ABCA8: variants seen among roughly 807,000 people sequenced by gnomAD.
ABCA8 encodes the protein ABC-type organic anion transporter ABCA8.
In ABCA8, 177 loss-of-function variants were observed where a neutral mutation model predicts 192.3. The observed-to-expected ratio is 0.92, with a 90% confidence interval of 0.81 to 1.04. The LOEUF is 1.04. Ranked by LOEUF, ABCA8 falls within the 50% of genes least tolerant of loss-of-function variation. ABCA8 has a pLI of 0.00. For synonymous variants in ABCA8, 642 were observed against 690.2 expected (o/e 0.93, Z 1.09); for missense variants, 1,915 against 1,904.8 (o/e 1.01, Z -0.10).
chr17:68,898,376 G>C (rs1479346340), intron 21 of ABCA8, among the ~76,000 whole-genome samples: 1 of 151,832 alleles, frequency 6.6e-6, no homozygotes, highest in Non-Finnish European at 1.5e-5. Context: ...AAATAATAAA[G>C]AATAAAAAAT....
At chr17:68,922,120 TA>T (rs2067547946) in intron 12 of ABCA8, 121 bp downstream of exon 12, 7 of 676,442 alleles carry the variant, frequency 1.0e-5, no homozygotes, top group Non-Finnish European at 1.5e-5. Flanking sequence ...CACCACTAAT[TA>T]ATCACCGAAA....
chr17:68,953,187 C>T (rs2068616890), intron 1 of ABCA8, among the ~76,000 whole-genome samples: 1 of 152,150 alleles, frequency 6.6e-6, no homozygotes, highest in Admixed American at 6.5e-5. Flanking sequence ...CATCAGTTTT[C>T]TGGGAAGCAT....
rs560482812 is a variant in ABCA8 at position 68,949,475 on chromosome 17, G to A, written c.-166-3C>T. The stretch of plus-strand genomic sequence containing the variant: ...CAACATCATCCTGCTACCAAAACCT[G>A]GCAGAGACACAACAAAAAAGGAAAA... On this transcript the variant is annotated splice_polypyrimidine_tract_variant and splice_region_variant and intron_variant, in intron 1 of 39. Coordinates refer to ENST00000586539, the MANE Select transcript of ABCA8 (RefSeq NM_001288985.2). 1 of 152,166 alleles carries A rather than the reference G, an allele frequency of 6.6e-6. No individual in the cohort carries two copies. The highest frequency in any genetic ancestry group is 6.5e-5 in the Admixed American group (1 of 15,282). The allele number at this position is 152,166 out of a possible 1,614,324, so 9.4% of individuals were successfully genotyped here.
intron 1 of ABCA8, among the ~76,000 whole-genome samples, chr17:68,953,696 G>A (rs2068634340): frequency 6.6e-6 from 1 of 152,104 alleles, no homozygotes; most frequent in Admixed American, 6.5e-5. Flanking sequence ...ATACTTTTAA[G>A]AGAGCTGTGC....
At chr17:68,938,398 G>A (rs969164917) in intron 4 of ABCA8, among the ~76,000 whole-genome samples, 2 of 152,044 alleles carry the variant, frequency 1.3e-5, no homozygotes, top group Non-Finnish European at 2.9e-5. Context: ...AATTACTTAA[G>A]CTTGAGTGGA....
At chr17:68,889,698 C>T (rs1388661811) in intron 24 of ABCA8, among the ~76,000 whole-genome samples, 2 of 152,210 alleles carry the variant, frequency 1.3e-5, no homozygotes, top group Admixed American at 6.5e-5. Context: ...ATAGCCTTTA[C>T]CACTGGTTAC....
chr17:68,887,925 T>TATATATGGATATATATATTA, intron 24 of ABCA8, among the ~76,000 whole-genome samples: 11 of 101,018 alleles, frequency 1.1e-4, no homozygotes, highest in African/African-American at 3.6e-4. Flanking sequence ...TATATATATA[T>TATATATGGATATATATATTA]TATATATGGA....
intron 31 of ABCA8, among the ~76,000 whole-genome samples, chr17:68,881,555 C>T (rs2066336607): frequency 6.6e-6 from 1 of 152,230 alleles, no homozygotes; most frequent in South Asian, 2.1e-4. Flanking sequence ...TGTGCTAGCA[C>T]ATCTTGGTTC....
Position 68,904,291 on chromosome 17 carries a change from AAATAATAATAATAATAATAAT to A in ABCA8, c.2399-813_2399-793del, listed in dbSNP as rs71144635. ...AGCGAGACTCCATCTCAAAAAAAAGAAATAATAATAATAATAATAATAATAATAATAATAATAATAATAATA... is the reference window on the plus strand; with the variant it reads ...AGCGAGACTCCATCTCAAAAAAAAGAAATAATAATAATAATAATAATAATA... On this transcript the variant is annotated intron_variant, in intron 19 of 39. Coordinates refer to ENST00000586539, the MANE Select transcript of ABCA8 (RefSeq NM_001288985.2). Among the ~76,000 whole-genome samples, 1,401 of 144,308 alleles carry A rather than the reference AAATAATAATAATAATAATAAT, an allele frequency of 9.7e-3. 28 individuals carry two copies. Among genetic ancestry groups the A allele is most frequent in the African/African-American group, 0.02 (791 of 38,874 alleles). The allele number at this position is 144,308 out of a possible 152,430, so 94.7% of individuals were successfully genotyped here.
chr17:68,928,865 G>A (rs1477747900), intron 9 of ABCA8, among the ~76,000 whole-genome samples, 184 bp downstream of exon 9: 2 of 151,926 alleles, frequency 1.3e-5, no homozygotes, highest in Non-Finnish European at 2.9e-5. Context: ...CTTTCCAAAT[G>A]TCTTATTTTG....
intron 4 of ABCA8, among the ~76,000 whole-genome samples, chr17:68,939,865 G>A (rs1268527783): frequency 6.6e-6 from 1 of 151,972 alleles, no homozygotes; most frequent in African/African-American, 2.4e-5. Flanking sequence ...CGAACACAAG[G>A]TCTTATTTCT....
At chr17:68,876,391 G>C in intron 35 of ABCA8, 69 bp downstream of exon 35, 1 of 1,595,014 alleles carries the variant, frequency 6.3e-7, no homozygotes, top group Non-Finnish European at 8.6e-7. Flanking sequence ...AATTTTTACA[G>C]AAGAAAAATG....
chr17:68,906,218 G>C, intron 18 of ABCA8, 55 bp from the exon 19 acceptor site: 2 of 1,366,604 alleles, frequency 1.5e-6, no homozygotes, highest in Non-Finnish European at 1.9e-6. Context: ...GTGAACTGAA[G>C]ACAATTTTTC....
chr17:68,922,394 A>T (rs1280071953), intron 11 of ABCA8, 94 bp from the exon 12 acceptor site: 1 of 868,756 alleles, frequency 1.2e-6, no homozygotes, highest in Non-Finnish European at 1.7e-6. Context: ...TAACTTCAGG[A>T]TACATGAAGA....
rs577914492 is a variant in ABCA8 at position 68,911,276 on chromosome 17, G to A, written c.2139-3397C>T. Among the ~76,000 whole-genome samples the A allele has an allele frequency of 1.9e-3, 296 of 152,226 alleles. 1 individual carries two copies. Among genetic ancestry groups the A allele is most frequent in the African/African-American group, 6.4e-3 (268 of 41,554 alleles). On this transcript the variant is annotated intron_variant, in intron 17 of 39. Coordinates refer to ENST00000586539, the MANE Select transcript of ABCA8 (RefSeq NM_001288985.2). The surrounding 1 kb of genome is among the most constrained non-coding windows in gnomAD (Gnocchi z 5.7). ...AGCTGCCTGAAGTCCCTTGGGCCTT[G>A]AGTGAACATCAGTGGTAGCCAGGCA...
At chr17:68,887,909 C>CAT (rs146099895) in intron 24 of ABCA8, among the ~76,000 whole-genome samples, 18 of 37,542 alleles carry the variant, frequency 4.8e-4, no homozygotes, top group South Asian at 1.0e-3. Flanking sequence ...TATATATATC[C>CAT]ATATATATAT....
At chr17:68,910,901 T>C (rs2067214845) in intron 17 of ABCA8, among the ~76,000 whole-genome samples, 1 of 152,172 alleles carries the variant, frequency 6.6e-6, no homozygotes, top group African/African-American at 2.4e-5. Context: ...ACCTCCTGAC[T>C]AAAGAACTTT....
intron 17 of ABCA8, among the ~76,000 whole-genome samples, chr17:68,915,633 T>C (rs1306702577): frequency 6.6e-6 from 1 of 152,112 alleles, no homozygotes; most frequent in South Asian, 2.1e-4. Flanking sequence ...TAACAAATGC[T>C]GGCAAGGATG....
intron 11 of ABCA8, among the ~76,000 whole-genome samples, chr17:68,923,006 G>A (rs2067587735): frequency 6.6e-6 from 1 of 152,032 alleles, no homozygotes; most frequent in Non-Finnish European, 1.5e-5. Flanking sequence ...GCTACAGAAA[G>A]GAATGAAATT....
Sources: allele counts gnomAD v4.1 joint callset (sites outside exome capture counted in the v4.1 genomes callset), GRCh38; gene constraint gnomAD v4.1.1; non-coding constraint Gnocchi (gnomAD v3.1); transcripts MANE v1.5; gene names NCBI Gene and HGNC (gene_info 2026-07-23, HGNC 2026-07-21).